The following MALRD1 variants were observed in gnomAD, a reference collection of about 807,000 sequenced individuals.
The protein encoded by MALRD1 is MAM and LDL-receptor class A domain-containing protein 1.
Under a neutral mutation model 242.1 loss-of-function variants are expected in MALRD1, and 247 were observed. The ratio of observed to expected loss-of-function variants is 1.02; its 90% CI spans 0.92 to 1.13. The LOEUF (loss-of-function observed/expected upper bound fraction) is 1.13, where lower values mean the gene tolerates loss of function less well. Ranked by LOEUF, MALRD1 falls within the 50% of genes most tolerant of loss-of-function variation. The pLI, the probability that MALRD1 is intolerant of heterozygous loss-of-function variation, is 0.00. For missense variants in MALRD1, 2,989 were observed against 2,533.1 expected, an observed-to-expected ratio of 1.18 and a Z score of -3.86; for synonymous variants, 995 against 866.6, an observed-to-expected ratio of 1.15 and a Z score of -2.60.
intron 32 of MALRD1, among the ~76,000 whole-genome samples, chr10:19,564,580 C>T (rs1473334305): frequency 6.6e-6 from 1 of 151,832 alleles, no homozygotes; most frequent in Non-Finnish European, 1.5e-5. Context: ...CTGTGTTTGA[C>T]TAAAGTTTAA....
At chr10:19,300,518 C>A (rs1478234370) in intron 21 of MALRD1, among the ~76,000 whole-genome samples, 1 of 151,730 alleles carries the variant, frequency 6.6e-6, no homozygotes, top group Admixed American at 6.6e-5. Flanking sequence ...GACACATAGA[C>A]CAATAGAAGA....
Position 19,088,029 on chromosome 10 carries a change from A to G in MALRD1, c.441A>G (p.Thr147=). The change falls in exon 4 of 40, where the codon ACA becomes ACG. Residue 147 remains threonine (T), a synonymous_variant. Coordinates refer to ENST00000454679, the MANE Select transcript of MALRD1 (RefSeq NM_001142308.3). ...PTNDQHDCQI[T]FYYFSCQVSG... ...GTACTAATTGTCTTTCACAGATTAC[A>G]TTTTATTACTTCTCCTGCCAAGTGA... 1.1e-5 allele frequency: 14 copies of G among 1,233,474 alleles called. No individual in the cohort carries two copies. Among genetic ancestry groups the G allele is most frequent in the Non-Finnish European group, 1.3e-5 (13 of 987,880 alleles). The allele number at this position is 1,233,474 out of a possible 1,614,324, so 76.4% of individuals were successfully genotyped here.
At chr10:19,186,834 A>T (rs1588669932) in intron 14 of MALRD1, among the ~76,000 whole-genome samples, 1 of 152,024 alleles carries the variant, frequency 6.6e-6, no homozygotes, top group Non-Finnish European at 1.5e-5. Flanking sequence ...CTCACATGCC[A>T]CTACTCTTGT....
At chr10:19,234,103 T>G (rs915269584) in intron 18 of MALRD1, among the ~76,000 whole-genome samples, 1 of 152,072 alleles carries the variant, frequency 6.6e-6, no homozygotes, top group Non-Finnish European at 1.5e-5. Context: ...ACCTGGATTC[T>G]AAAATTTAAA....
chr10:19,069,995 G>C (rs1260033401), intron 2 of MALRD1, among the ~76,000 whole-genome samples: 1 of 151,940 alleles, frequency 6.6e-6, no homozygotes, highest in East Asian at 1.9e-4. Flanking sequence ...CAGTGTGTTA[G>C]TCTGTAAGTC....
chr10:19,641,854 C>T (rs941767775), intron 36 of MALRD1, among the ~76,000 whole-genome samples: 3 of 151,926 alleles, frequency 2.0e-5, no homozygotes, highest in African/African-American at 7.3e-5. Context: ...AATTTAATGC[C>T]CATGTATGTT....
At chr10:19,683,203 T>C (rs1842447904) in intron 36 of MALRD1, among the ~76,000 whole-genome samples, 1 of 151,906 alleles carries the variant, frequency 6.6e-6, no homozygotes, top group Non-Finnish European at 1.5e-5. Flanking sequence ...ACTATGGCAG[T>C]CACTTTTTAC....
intron 10 of MALRD1, among the ~76,000 whole-genome samples, chr10:19,142,171 C>CAA (rs529000033): frequency 0.24 from 6,310 of 26,226 alleles, 1,349 homozygotes; most frequent in Non-Finnish European, 0.31. Context: ...GACTCTAACT[C>CAA]AAAAAAAAAA....
chr10:19,573,957 C>G (rs572041312), intron 33 of MALRD1, among the ~76,000 whole-genome samples: 1 of 152,076 alleles, frequency 6.6e-6, no homozygotes, highest in Non-Finnish European at 1.5e-5. Context: ...AATAGACCTT[C>G]GGAGAGTGAA....
intron 31 of MALRD1, among the ~76,000 whole-genome samples, chr10:19,507,668 G>T (rs74841489): frequency 0.012 from 1,900 of 152,172 alleles, 28 homozygotes; most frequent in East Asian, 0.056. Flanking sequence ...TTTAATATTG[G>T]TTAGTGTTTG....
chr10:19,406,675 A>G (rs1847125638), intron 28 of MALRD1, among the ~76,000 whole-genome samples: 1 of 152,220 alleles, frequency 6.6e-6, no homozygotes, highest in African/African-American at 2.4e-5. Flanking sequence ...AAGCAAATAA[A>G]GGGCATTGAG....
intron 26 of MALRD1, among the ~76,000 whole-genome samples, chr10:19,362,863 T>C (rs1282710951): frequency 6.6e-6 from 1 of 151,972 alleles, no homozygotes; most frequent in East Asian, 1.9e-4. Context: ...CATAGACTAG[T>C]ATGGTGGCAA....
At chr10:19,136,424 G>A (rs1232612866) in intron 9 of MALRD1, 150 bp from the exon 10 acceptor site, 1 of 396,774 alleles carries the variant, frequency 2.5e-6, no homozygotes, top group Non-Finnish European at 4.3e-6. Flanking sequence ...AGCATGGGTT[G>A]AGGTTATCAA....
chr10:19,692,056 C>A (rs1040588321), intron 36 of MALRD1, among the ~76,000 whole-genome samples: 1 of 151,982 alleles, frequency 6.6e-6, no homozygotes, highest in African/African-American at 2.4e-5. Context: ...CTTATAAAGT[C>A]AAGAAGATGA....
At chr10:19,575,732 C>A (rs948166411) in intron 33 of MALRD1, among the ~76,000 whole-genome samples, 3 of 152,120 alleles carry the variant, frequency 2.0e-5, no homozygotes, top group African/African-American at 7.2e-5. Context: ...TGCTCCATAT[C>A]CTTACTCTCA....
intron 26 of MALRD1, among the ~76,000 whole-genome samples, chr10:19,369,028 A>T (rs1845243968): frequency 6.7e-6 from 1 of 148,340 alleles, no homozygotes; most frequent in Admixed American, 6.8e-5. Context: ...TAAACAGACA[A>T]ATAGATACTT....
intron 5 of MALRD1, among the ~76,000 whole-genome samples, chr10:19,118,396 A>T (rs983494964): frequency 6.6e-6 from 1 of 152,144 alleles, no homozygotes; most frequent in Non-Finnish European, 1.5e-5. Context: ...TGAATGCAAG[A>T]TGTACATTGG....
At chr10:19,591,779 T>G (rs1051444456) in intron 33 of MALRD1, among the ~76,000 whole-genome samples, 2 of 152,224 alleles carry the variant, frequency 1.3e-5, no homozygotes. Flanking sequence ...ATTACAGGCA[T>G]GAGCCGCTAT....
rs184822272 is a variant in MALRD1 at position 19,266,107 on chromosome 10, G to A, written c.3079+8336G>A. The stretch of plus-strand genomic sequence containing the variant: ...GTTTTAGTATATCTGTGTCCTCAAA[G>A]TGGAAGTGAGACTCTTGTATGCAGC... On this transcript the variant is annotated intron_variant, in intron 19 of 39. Transcript: ENST00000454679. Among the ~76,000 whole-genome samples, 59 of 151,016 alleles carry A rather than the reference G, an allele frequency of 3.9e-4. 1 individual carries two copies. The South Asian group carries it at 0.011, about 28-fold the overall frequency.
Sources: gnomAD v4.1 joint callset for allele counts (sites outside exome capture counted in the v4.1 genomes callset) on GRCh38, gnomAD v4.1.1 for gene constraint, MANE v1.5 for transcripts, NCBI Gene and HGNC (gene_info 2026-07-23, HGNC 2026-07-21) for gene names.